MEGF8: variants seen among roughly 807,000 people sequenced by gnomAD.
The protein encoded by MEGF8 is multiple EGF like domains 8, also known as multiple epidermal growth factor-like domains protein 8.
A neutral mutation model predicts 302.9 loss-of-function variants in MEGF8; 156 were observed. The ratio of observed to expected loss-of-function variants is 0.52; its 90% CI spans 0.45 to 0.59. The LOEUF is 0.59. Among genes scored for constraint, MEGF8 ranks in the 20% least tolerant of loss-of-function variants. The probability of loss-of-function intolerance (pLI) is 0.00; values close to 1 mark genes in which losing one functional copy is unlikely to be tolerated. For synonymous variants in MEGF8, 1,621 were observed against 1,660.5 expected, an observed-to-expected ratio of 0.98 and a Z score of 0.58; for missense variants, 3,345 against 3,964.5, an observed-to-expected ratio of 0.84 and a Z score of 4.20.
At position 42,368,742 on chromosome 19, in the gene MEGF8, C is replaced by G; in HGVS notation, c.6481+80C>G. The G allele has an allele frequency of 6.4e-7, 1 of 1,551,802 alleles. No homozygotes were observed. On this transcript the variant is annotated intron_variant, in intron 36 of 41. Transcript: ENST00000251268. The surrounding 1 kb of genome is among the most constrained non-coding windows in gnomAD (Gnocchi z 4.9). ...TACAGTGAACATAGGGATACTGGGC[C>G]AGACCCAGAGGTGGGGCTCAGAGGA...
intron 35 of MEGF8, among the ~76,000 whole-genome samples, chr19:42,364,391 C>A (rs2039575674): frequency 6.6e-6 from 1 of 152,142 alleles, no homozygotes; most frequent in African/African-American, 2.4e-5. Context: ...TCATTCATAC[C>A]TCGATTATGC....
At position 42,336,707 on chromosome 19, in the gene MEGF8, G is replaced by A; in HGVS notation, c.1245-100G>A. 6.7e-7 allele frequency: 1 copy of A among 1,482,480 alleles called. No homozygotes were observed. Among genetic ancestry groups the A allele is most frequent in the Non-Finnish European group, 9.0e-7 (1 of 1,108,618 alleles). 91.8% of individuals were successfully genotyped at this position (1,482,480 alleles called of 1,614,324 possible). A position where few individuals can be genotyped will look rare whatever the true frequency, so the allele number is the denominator to read the frequency against. Reference sequence around the variant, plus strand: ...TGGAGGGGACATAGAGTCAGTCATGGCCAGTCTCATCCCTGGGTGATCACA... The same window carrying A: ...TGGAGGGGACATAGAGTCAGTCATGACCAGTCTCATCCCTGGGTGATCACA... On this transcript the variant is annotated intron_variant, in intron 6 of 41. Coordinates refer to ENST00000251268, the MANE Select transcript of MEGF8 (RefSeq NM_001271938.2). The surrounding 1 kb of genome is among the most constrained non-coding windows in gnomAD (Gnocchi z 4.8).
chr19:42,344,548 C>T lies in MEGF8; in HGVS notation c.1896C>T (p.Gly632=), dbSNP rs2147464739. The T allele has an allele frequency of 6.3e-7, 1 of 1,599,964 alleles. No homozygotes were observed. The highest frequency in any genetic ancestry group is 8.5e-7 in the Non-Finnish European group (1 of 1,178,630). ...CTCCACGGGGACCTGGCACCCTGGG[C>T]TGGTGCGTGCACAATGAGAGCTGCC... ...TAPPRGPGTL[G]WCVHNESCLP... The change falls in exon 11 of 42, where the codon GGC becomes GGT. Residue 632 remains glycine, a synonymous_variant. Transcript: ENST00000251268. This position sits in a 1 kb window ranked among gnomAD's most constrained non-coding sequence, Gnocchi z 4.5.
At chr19:42,330,345 A>G (rs550879316) in intron 1 of MEGF8, among the ~76,000 whole-genome samples, 2 of 152,336 alleles carry the variant, frequency 1.3e-5, no homozygotes, top group African/African-American at 4.8e-5. Flanking sequence ...AAGACCTTCA[A>G]CTTAGGGAAG....
At chr19:42,364,657 AC>A (rs2039579335) in intron 35 of MEGF8, among the ~76,000 whole-genome samples, 2 of 152,162 alleles carry the variant, frequency 1.3e-5, no homozygotes, top group African/African-American at 4.8e-5. Context: ...ATTAGCTCTC[AC>A]CCGGAGGTAG....
chr19:42,348,608 G>A (rs183401048), intron 13 of MEGF8, 136 bp downstream of exon 13: 2 of 866,778 alleles, frequency 2.3e-6, no homozygotes, highest in Non-Finnish European at 1.7e-6. Context: ...TGGATTTTTT[G>A]TGTGTGTGTA....
At chr19:42,370,922 C>T in intron 40 of MEGF8, 91 bp downstream of exon 40, 1 of 578,098 alleles carries the variant, frequency 1.7e-6, no homozygotes, top group Non-Finnish European at 3.2e-6. Context: ...GAGCCAGGCC[C>T]CCTCTTTAGT....
chr19:42,365,656 C>T (rs1162111997), intron 35 of MEGF8, among the ~76,000 whole-genome samples: 4 of 150,748 alleles, frequency 2.7e-5, no homozygotes, highest in Non-Finnish European at 5.9e-5. Context: ...TCTGTAGTCC[C>T]AGCTACTTGG....
Position 42,375,418 on chromosome 19 carries a change from T to A in MEGF8, c.7270-89T>A. 1 of 1,298,512 alleles carries A rather than the reference T, an allele frequency of 7.7e-7. No homozygotes were observed. The highest frequency in any genetic ancestry group is 1.0e-6 in the Non-Finnish European group (1 of 964,102). 80.4% of individuals were successfully genotyped at this position (1,298,512 alleles called of 1,614,324 possible). ...GCCCAGGGCAATGGCTACTTAGCAG[T>A]GGGTATAGAGTATTCGTCACTGCTG... On this transcript the variant is annotated intron_variant, in intron 41 of 41. Transcript: ENST00000251268. The surrounding 1 kb of genome is among the most constrained non-coding windows in gnomAD (Gnocchi z 7.1).
In MEGF8 at chr19:42,360,934, C is replaced by G; in HGVS notation, c.5648C>G (p.Pro1883Arg). 1 of 1,609,218 alleles carries G rather than the reference C, an allele frequency of 6.2e-7. No individual in the cohort carries two copies. Among genetic ancestry groups the G allele is most frequent in the South Asian group, 1.1e-5 (1 of 90,712 alleles). ...GACCCCTGCCGCCTGCTGTCCTCAC[C>G]TGAAGCTTGTAACCAGTCTGGGGCC... is the stretch of plus-strand genomic sequence containing the variant. ...PPDPCRLLSS[P>R]EACNQSGACT... is the part of the protein sequence containing the mutation. The change falls in exon 32 of 42, where the codon CCT becomes CGT. Residue 1883 changes from proline (P) to arginine (R), a missense_variant. Physicochemically the swap from Pro to Arg is moderately radical, Grantham distance 103. Transcript: ENST00000251268.
At position 42,352,933 on chromosome 19, in the gene MEGF8, T is replaced by C; in HGVS notation, c.3356T>C (p.Leu1119Ser). The part of the protein sequence containing the change: ...DGISHCNRTC[L>S]EDCGHGVCSG... ...CCCCCAACACGGCCCCTCAGGTGCT[T>C]GGAGGACTGTGGCCATGGTGTGTGC... Residue 1119 changes from leucine to serine, a missense_variant, in exon 20 of 42, where the codon TTG becomes TCG. Transcript: ENST00000251268. This position sits in a 1 kb window ranked among gnomAD's most constrained non-coding sequence, Gnocchi z 4.4. The C allele has an allele frequency of 6.3e-7, 1 of 1,594,810 alleles. No homozygotes were observed. The highest frequency in any genetic ancestry group is 8.5e-7 in the Non-Finnish European group (1 of 1,171,510).
chr19:42,378,162 T>A lies in MEGF8; in HGVS notation c.*1387T>A, dbSNP rs1460969535. 2.0e-5 allele frequency: 3 copies of A among 151,924 alleles called. No individual in the cohort carries two copies. Among genetic ancestry groups the A allele is most frequent in the Non-Finnish European group, 4.4e-5 (3 of 68,012 alleles). The allele number at this position is 151,924 out of a possible 1,614,324, so 9.4% of individuals were successfully genotyped here. A position where few individuals can be genotyped will look rare whatever the true frequency, so the allele number is the denominator to read the frequency against. On this transcript the variant is annotated 3_prime_UTR_variant, in exon 42 of 42. Transcript: ENST00000251268. ...CACTGAATATTTCAACAGCAGAAAT[T>A]GAATGGGGGGATTGATAGCGCTGGC...
At chr19:42,339,034 AT>A (rs1389895001) in intron 8 of MEGF8, among the ~76,000 whole-genome samples, 1 of 151,612 alleles carries the variant, frequency 6.6e-6, no homozygotes, top group Non-Finnish European at 1.5e-5. Context: ...GGGTTTCACC[AT>A]GTTGGCTAGG....
rs773071296 is a variant in MEGF8 at position 42,351,471 on chromosome 19, C to G, written c.2898C>G (p.Cys966Trp). The change falls in exon 17 of 42, where the codon TGC becomes TGG. Residue 966 changes from cysteine (C) to tryptophan (W), a missense_variant. By Grantham distance (215) the Cys-to-Trp change is radical. Coordinates refer to ENST00000251268, the MANE Select transcript of MEGF8 (RefSeq NM_001271938.2). The surrounding 1 kb of genome is among the most constrained non-coding windows in gnomAD (Gnocchi z 5.6). ...CEDCLANSSQ[C>W]AWCQSTHTCF... Reference sequence around the variant, plus strand: ...ACTGCCTGGCCAACTCTAGCCAGTGCGCCTGGTGCCAGTCCACCCACACCT... The same window carrying G: ...ACTGCCTGGCCAACTCTAGCCAGTGGGCCTGGTGCCAGTCCACCCACACCT... 6.2e-7 allele frequency: 1 copy of G among 1,601,742 alleles called. No individual in the cohort carries two copies. Among genetic ancestry groups the G allele is most frequent in the Admixed American group, 1.7e-5 (1 of 58,284 alleles).
chr19:42,349,469 GC>G, intron 13 of MEGF8, 29 bp from the exon 14 acceptor site: 1 of 1,594,596 alleles, frequency 6.3e-7, no homozygotes, highest in Non-Finnish European at 8.5e-7. Flanking sequence ...GGGTTCTGAG[GC>G]CCCTGCCTAT....
At chr19:42,370,417 G>C in intron 39 of MEGF8, 58 bp downstream of exon 39, 1 of 1,427,322 alleles carries the variant, frequency 7.0e-7, no homozygotes, top group Non-Finnish European at 9.5e-7. Context: ...GGAGCTCCTG[G>C]GTCTGAGGGA....
rs151116615 is a variant in MEGF8 at position 42,349,650 on chromosome 19, A to G, written c.2450A>G (p.His817Arg). 5.7e-4 allele frequency: 924 copies of G among 1,612,064 alleles called. No individual in the cohort carries two copies. The highest frequency in any genetic ancestry group is 1.6e-3 in the South Asian group (146 of 91,088). ...CTCAATGGCTCGGCAGGCCCTGGGCACAGCGAGCTAACTCTGCTGTGGGAT... is the reference window on the plus strand; with the variant it reads ...CTCAATGGCTCGGCAGGCCCTGGGCGCAGCGAGCTAACTCTGCTGTGGGAT... ...GQLNGSAGPGHSELTLLWDRT... is the reference protein window; with the variant it reads ...GQLNGSAGPGRSELTLLWDRT... The change falls in exon 14 of 42, where the codon CAC becomes CGC. Residue 817 changes from histidine to arginine, a missense_variant. Coordinates refer to ENST00000251268, the MANE Select transcript of MEGF8 (RefSeq NM_001271938.2).
rs758311264 is a variant in MEGF8 at position 42,358,992 on chromosome 19, A to AG, written c.5343+45dup. 85 of 1,511,016 alleles carry AG rather than the reference A, an allele frequency of 5.6e-5. No homozygotes were observed. In the East Asian group the frequency reaches 7.6e-4, roughly 13 times the overall value. 93.6% of individuals were successfully genotyped at this position (1,511,016 alleles called of 1,614,324 possible). A position where few individuals can be genotyped will look rare whatever the true frequency, so the allele number is the denominator to read the frequency against. On this transcript the variant is annotated intron_variant, in intron 30 of 41. Coordinates refer to ENST00000251268, the MANE Select transcript of MEGF8 (RefSeq NM_001271938.2). The surrounding 1 kb of genome is among the most constrained non-coding windows in gnomAD (Gnocchi z 4.4). ...GAGGGTTAGGATTGGGTGGGCTGGT[A>AG]GGGGGGGATAGGTAGGGAAGTACAG...
Position 42,334,002 on chromosome 19 carries a change from CG to C in MEGF8, c.352-4del. ...CACCTTACCCAGCACACCTTGTGCC[CG>C]CAGATGCTGCTGCACCTCTTCAGTG... On this transcript the variant is annotated splice_region_variant and splice_polypyrimidine_tract_variant and intron_variant, in intron 2 of 41. Transcript: ENST00000251268. 3 of 1,612,154 alleles carry C rather than the reference CG, an allele frequency of 1.9e-6. No homozygotes were observed. The highest frequency in any genetic ancestry group is 2.5e-6 in the Non-Finnish European group (3 of 1,179,104).
Sources: allele counts gnomAD v4.1 joint callset (sites outside exome capture counted in the v4.1 genomes callset), GRCh38; gene constraint gnomAD v4.1.1; non-coding constraint Gnocchi (gnomAD v3.1); transcripts MANE v1.5; gene names NCBI Gene and HGNC (gene_info 2026-07-23, HGNC 2026-07-21).